Variants in TOX3 observed in about 807,000 individuals in gnomAD.
The protein encoded by TOX3 is TOX high mobility group box family member 3, also known as CAG trinucleotide repeat-containing gene F9 protein.
In TOX3, 22 loss-of-function variants were observed where a neutral mutation model predicts 64.3. That is an observed-to-expected ratio of 0.34 (90% confidence interval 0.24 to 0.49). The LOEUF (loss-of-function observed/expected upper bound fraction) is 0.49, where lower values mean the gene tolerates loss of function less well. Ranked by LOEUF, TOX3 falls within the 20% of genes least tolerant of loss-of-function variation. The pLI, the probability that TOX3 is intolerant of heterozygous loss-of-function variation, is 0.99. For missense variants in TOX3, 661 were observed against 714.4 expected (o/e 0.93, Z 0.85); for synonymous variants, 291 against 273.6 (o/e 1.06, Z -0.63).
At chr16:52,447,752 T>A (rs1297924711) in intron 4 of TOX3, among the ~76,000 whole-genome samples, 1 of 152,088 alleles carries the variant, frequency 6.6e-6, no homozygotes, top group East Asian at 1.9e-4. Flanking sequence ...TCCAAGAGAG[T>A]CAGATGCCTT....
intron 4 of TOX3, among the ~76,000 whole-genome samples, chr16:52,449,655 A>T (rs1365029459): frequency 1.3e-5 from 2 of 152,210 alleles, no homozygotes; most frequent in Non-Finnish European, 2.9e-5. Flanking sequence ...GTAGGTATAC[A>T]GCACATAATT....
intron 4 of TOX3, 134 bp from the exon 5 acceptor site, chr16:52,446,355 G>T: frequency 1.1e-6 from 1 of 904,132 alleles, no homozygotes; most frequent in Non-Finnish European, 1.6e-6. Flanking sequence ...CCAAAAGCGG[G>T]GGAGGGGTAA....
intron 1 of TOX3, among the ~76,000 whole-genome samples, chr16:52,516,939 G>C (rs953543288): frequency 3.9e-5 from 6 of 152,110 alleles, no homozygotes; most frequent in African/African-American, 1.4e-4. Context: ...CCAAAACTCT[G>C]TTATACCATG....
intron 1 of TOX3, among the ~76,000 whole-genome samples, chr16:52,494,063 T>A (rs934971126): frequency 3.9e-5 from 6 of 152,214 alleles, no homozygotes; most frequent in African/African-American, 1.4e-4. Context: ...TTTTATTATC[T>A]CTTCTTCCAA....
intron 4 of TOX3, among the ~76,000 whole-genome samples, chr16:52,447,846 A>AT (rs1960207560): frequency 1.3e-5 from 2 of 152,112 alleles, no homozygotes; most frequent in Admixed American, 1.3e-4. Flanking sequence ...AGACACACAT[A>AT]TTTTTCTAGT....
chr16:52,543,863 TAA>T (rs1963124040), intron 1 of TOX3, among the ~76,000 whole-genome samples: 1 of 152,202 alleles, frequency 6.6e-6, no homozygotes, highest in South Asian at 2.1e-4. Context: ...TCACAGAATG[TAA>T]AGATAATACA....
rs541575455 is a variant in TOX3, at chr16:52,547,097, T to A, written c.-374A>T. 395 of 250,690 alleles carry A rather than the reference T, an allele frequency of 1.6e-3. 1 individual carries two copies. Among genetic ancestry groups the A allele is most frequent in the Non-Finnish European group, 2.0e-3 (327 of 161,328 alleles). 15.5% of individuals were successfully genotyped at this position (250,690 alleles called of 1,614,324 possible). A position where few individuals can be genotyped will look rare whatever the true frequency, so the allele number is the denominator to read the frequency against. On this transcript the variant is annotated 5_prime_UTR_variant, in exon 1 of 7. Transcript: ENST00000219746. ...CGGCGGCGGCGGCGGCTGGCCCCGC[T>A]CCTCCTCCTCCTCCCCGGGCGGACT...
At chr16:52,489,022 G>A (rs1961603914) in intron 1 of TOX3, among the ~76,000 whole-genome samples, 1 of 152,144 alleles carries the variant, frequency 6.6e-6, no homozygotes, top group African/African-American at 2.4e-5. Flanking sequence ...CAGAGGCCAT[G>A]AGGTATGCAG....
At chr16:52,521,170 A>T (rs1327491947) in intron 1 of TOX3, among the ~76,000 whole-genome samples, 2 of 152,230 alleles carry the variant, frequency 1.3e-5, no homozygotes, top group Admixed American at 1.3e-4. Context: ...TTAGGTGTTA[A>T]AGACATATTC....
At position 52,543,586 on chromosome 16, in the gene TOX3, C is replaced by T. The variant is rs545304579; in HGVS notation, c.87+3051G>A. On this transcript the variant is annotated intron_variant, in intron 1 of 6. Coordinates refer to ENST00000219746, the MANE Select transcript of TOX3 (RefSeq NM_001080430.4). Reference sequence around the variant, plus strand: ...AATATACAGGGTTTAATTTGTTAACCACACCAGAAAAAGAAATGTTCAAAC... The same window carrying T: ...AATATACAGGGTTTAATTTGTTAACTACACCAGAAAAAGAAATGTTCAAAC... Among the ~76,000 whole-genome samples, 5 of 152,120 alleles carry T rather than the reference C, an allele frequency of 3.3e-5. No homozygotes were observed. The South Asian group carries it at 1.0e-3, about 32-fold the overall frequency.
In TOX3 at chr16:52,438,901, A is replaced by T. The variant is rs960832518; in HGVS notation, c.*324T>A. On this transcript the variant is annotated 3_prime_UTR_variant, in exon 7 of 7. Transcript: ENST00000219746. ...CATTTTTCTATGACTCAGAGAGGCC[A>T]GTTTATAGTCATCAGTATGTCCCAG... The T allele has an allele frequency of 1.5e-5, 8 of 539,086 alleles. No individual in the cohort carries two copies. Among genetic ancestry groups the T allele is most frequent in the Non-Finnish European group, 3.7e-6 (1 of 273,806 alleles). The allele number at this position is 539,086 out of a possible 1,614,324, so 33.4% of individuals were successfully genotyped here. A position where few individuals can be genotyped will look rare whatever the true frequency, so the allele number is the denominator to read the frequency against.
At chr16:52,543,898 G>A (rs899659897) in intron 1 of TOX3, among the ~76,000 whole-genome samples, 46 of 152,248 alleles carry the variant, frequency 3.0e-4, no homozygotes, top group Middle Eastern at 3.4e-3. Context: ...TGATACAAAG[G>A]ACTCTGGTCA....
Position 52,546,790 on chromosome 16 carries a change from C to G in TOX3, c.-67G>C. 7.1e-7 allele frequency: 1 copy of G among 1,414,892 alleles called. No individual in the cohort carries two copies. The highest frequency in any genetic ancestry group is 9.2e-7 in the Non-Finnish European group (1 of 1,084,654). 87.6% of individuals were successfully genotyped at this position (1,414,892 alleles called of 1,614,324 possible). A position where few individuals can be genotyped will look rare whatever the true frequency, so the allele number is the denominator to read the frequency against. ...GCCGGGGCCGGGACCCGCCTCCTCG[C>G]CGCCGCTAGATCCACCGTCGAGGGC... On this transcript the variant is annotated 5_prime_UTR_variant, in exon 1 of 7. Coordinates refer to ENST00000219746, the MANE Select transcript of TOX3 (RefSeq NM_001080430.4).
At chr16:52,461,283 C>T (rs180785367) in intron 3 of TOX3, among the ~76,000 whole-genome samples, 28 of 152,216 alleles carry the variant, frequency 1.8e-4, no homozygotes, top group Admixed American at 5.2e-4. Flanking sequence ...CACGTATTCA[C>T]GACAAGCAAA....
intron 1 of TOX3, among the ~76,000 whole-genome samples, chr16:52,510,793 G>GAAGAAA (rs1555486755): frequency 2.8e-5 from 4 of 144,634 alleles, no homozygotes; most frequent in African/African-American, 1.0e-4. Flanking sequence ...AGAAGAAGAA[G>GAAGAAA]AAGAAAAAGA....
At chr16:52,522,740 A>G (rs1182616938) in intron 1 of TOX3, among the ~76,000 whole-genome samples, 1 of 152,226 alleles carries the variant, frequency 6.6e-6, no homozygotes, top group Non-Finnish European at 1.5e-5. Flanking sequence ...CTATCTGTGC[A>G]GATGGTTCCC....
chr16:52,538,254 A>C (rs1963001515), intron 1 of TOX3, among the ~76,000 whole-genome samples: 1 of 152,210 alleles, frequency 6.6e-6, no homozygotes, highest in Non-Finnish European at 1.5e-5. Flanking sequence ...CCTTTTGAAG[A>C]AGATCAACTT....
chr16:52,450,044 T>A (rs960192638), intron 4 of TOX3, among the ~76,000 whole-genome samples: 1 of 152,212 alleles, frequency 6.6e-6, no homozygotes, highest in African/African-American at 2.4e-5. Flanking sequence ...TTAAATAACA[T>A]GTCCAATGCC....
chr16:52,483,355 A>G (rs1961416800), intron 1 of TOX3, among the ~76,000 whole-genome samples: 2 of 152,196 alleles, frequency 1.3e-5, no homozygotes, highest in African/African-American at 4.8e-5. Context: ...AAAATACATT[A>G]TATTAAGTCA....
Sources: gnomAD v4.1 joint callset for allele counts (sites outside exome capture counted in the v4.1 genomes callset) on GRCh38, gnomAD v4.1.1 for gene constraint, MANE v1.5 for transcripts, NCBI Gene and HGNC (gene_info 2026-07-23, HGNC 2026-07-21) for gene names.